Variants in SGTA observed in about 807,000 individuals in gnomAD.
The protein encoded by SGTA is small glutamine-rich tetratricopeptide repeat-containing protein alpha.
Under a neutral mutation model 44.3 loss-of-function variants are expected in SGTA, and 22 were observed. The ratio of observed to expected loss-of-function variants is 0.50; its 90% CI spans 0.36 to 0.71. The LOEUF (loss-of-function observed/expected upper bound fraction) is 0.71, where lower values mean the gene tolerates loss of function less well. Ranked by LOEUF, SGTA falls within the 30% of genes least tolerant of loss-of-function variation. SGTA has a pLI of 0.00. For synonymous variants in SGTA, 174 were observed against 177.6 expected (o/e 0.98, Z 0.16); for missense variants, 341 against 435.9 (o/e 0.78, Z 1.94).
At chr19:2,773,719 G>A (rs1212672335) in intron 1 of SGTA, among the ~76,000 whole-genome samples, 12 of 53,166 alleles carry the variant, frequency 2.3e-4, no homozygotes, top group Non-Finnish European at 5.9e-5. Context: ...TGGGTGACGC[G>A]GCCACACGGC....
chr19:2,768,653 C>T (rs556473973), intron 2 of SGTA, among the ~76,000 whole-genome samples: 5 of 152,310 alleles, frequency 3.3e-5, no homozygotes, highest in Admixed American at 6.5e-5. Flanking sequence ...CACACACACA[C>T]TGGGTGGTGA....
At chr19:2,776,341 T>C (rs1915444817) in intron 1 of SGTA, among the ~76,000 whole-genome samples, 1 of 152,256 alleles carries the variant, frequency 6.6e-6, no homozygotes, top group Admixed American at 6.5e-5. Flanking sequence ...CAATGTGGCC[T>C]AGCCACACGA....
At chr19:2,764,217 A>T (rs1915078599) in intron 5 of SGTA, among the ~76,000 whole-genome samples, 1 of 152,144 alleles carries the variant, frequency 6.6e-6, no homozygotes, top group South Asian at 2.1e-4. Context: ...GAGTGAGTGG[A>T]GACTAAACTA....
intron 1 of SGTA, among the ~76,000 whole-genome samples, chr19:2,780,273 T>C (rs1379369894): frequency 6.6e-6 from 1 of 151,992 alleles, no homozygotes; most frequent in Non-Finnish European, 1.5e-5. Context: ...CCATCCCAAA[T>C]CCACGGTGCT....
At chr19:2,762,852 C>A (rs1915038131) in intron 6 of SGTA, among the ~76,000 whole-genome samples, 1 of 152,220 alleles carries the variant, frequency 6.6e-6, no homozygotes, top group South Asian at 2.1e-4. Context: ...ACACCCCTGC[C>A]ACACAAGAAC....
Position 2,781,448 on chromosome 19 carries a change from C to A in SGTA, c.-24+1785G>T, listed in dbSNP as rs546708222. ...CAACTGTGCCTTCTTAGCTCGAAAT[C>A]AACTACAGGTAACGCATAAACCAAG... On this transcript the variant is annotated intron_variant, in intron 1 of 11. Coordinates refer to ENST00000221566, the MANE Select transcript of SGTA (RefSeq NM_003021.4). Among the ~76,000 whole-genome samples the A allele has an allele frequency of 3.3e-5, 5 of 152,322 alleles. No homozygotes were observed. In the East Asian group the frequency reaches 7.7e-4, roughly 23 times the overall value.
intron 11 of SGTA, among the ~76,000 whole-genome samples, chr19:2,756,186 T>C (rs755673025): frequency 6.6e-6 from 1 of 151,184 alleles, no homozygotes; most frequent in Non-Finnish European, 1.5e-5. Flanking sequence ...GAGGTTACGG[T>C]GGTAAAAAAT....
Position 2,761,486 on chromosome 19 carries a change from G to A in SGTA, c.673C>T (p.Leu225=). Residue 225 remains leucine, a synonymous_variant, in exon 8 of 12, where the codon CTG becomes TTG. Transcript: ENST00000221566. This position sits in a 1 kb window ranked among gnomAD's most constrained non-coding sequence, Gnocchi z 5.7. ...GVGSFDIAGL[L]NNPGFMSMAS... is the part of the protein sequence containing the mutation. ...ATGCTCATGAAGCCAGGGTTGTTCA[G>A]CAGGCCGGCGATGTCGAAGCTGCCC... 6.4e-7 allele frequency: 1 copy of A among 1,551,596 alleles called. No homozygotes were observed. The highest frequency in any genetic ancestry group is 8.7e-7 in the Non-Finnish European group (1 of 1,146,936).
At position 2,754,793 on chromosome 19, in the gene SGTA, AGCGGCTGCAGGGCC is replaced by A. The variant is rs1276842684; in HGVS notation, c.*1133_*1146del. 6.6e-6 allele frequency: 1 copy of A among 152,206 alleles called. No individual in the cohort carries two copies. The highest frequency in any genetic ancestry group is 2.4e-5 in the African/African-American group (1 of 41,410). The allele number at this position is 152,206 out of a possible 1,614,324, so 9.4% of individuals were successfully genotyped here. ...GCTTGGCACACACCTCACCGCCATG[AGCGGCTGCAGGGCC>A]GCGGCGGCCCCCGTTCCTACTGCTA... On this transcript the variant is annotated 3_prime_UTR_variant, in exon 12 of 12. Transcript: ENST00000221566. The surrounding 1 kb of genome is among the most constrained non-coding windows in gnomAD (Gnocchi z 4.4).
At position 2,765,545 on chromosome 19, in the gene SGTA, C is replaced by T. The variant is rs1356026851; in HGVS notation, c.293-260G>A. Among the ~76,000 whole-genome samples, 1 of 152,104 alleles carries T rather than the reference C, an allele frequency of 6.6e-6. No individual in the cohort carries two copies. The highest frequency in any genetic ancestry group is 1.5e-5 in the Non-Finnish European group (1 of 68,032). On this transcript the variant is annotated intron_variant, in intron 4 of 11. Coordinates refer to ENST00000221566, the MANE Select transcript of SGTA (RefSeq NM_003021.4). The surrounding 1 kb of genome is among the most constrained non-coding windows in gnomAD (Gnocchi z 5.5). ...GCGGCAGGGCCTGGCCTGGCCTGTG[C>T]CTGGCGACGGTGGCTGTCACTGCCT...
intron 1 of SGTA, among the ~76,000 whole-genome samples, chr19:2,780,423 A>G (rs1915546119): frequency 6.6e-6 from 1 of 152,144 alleles, no homozygotes; most frequent in Non-Finnish European, 1.5e-5. Context: ...AGATCGCTGC[A>G]CACATAAAAG....
intron 1 of SGTA, among the ~76,000 whole-genome samples, chr19:2,782,235 C>G (rs1344606195): frequency 1.3e-5 from 2 of 152,176 alleles, no homozygotes; most frequent in African/African-American, 2.4e-5. Context: ...ATGACAAGCA[C>G]AAATGTCACC....
chr19:2,769,703 T>C (rs1243652832), intron 1 of SGTA, among the ~76,000 whole-genome samples: 6 of 152,062 alleles, frequency 3.9e-5, no homozygotes, highest in Non-Finnish European at 7.4e-5. Context: ...ACCCGTCTTG[T>C]TCCCCCTGGG....
chr19:2,762,732 AC>A, intron 6 of SGTA, 88 bp from the exon 7 acceptor site: 1 of 1,508,188 alleles, frequency 6.6e-7, no homozygotes, highest in South Asian at 1.2e-5. Flanking sequence ...GGTCCTGGCA[AC>A]CCCCAAACCA....
chr19:2,779,604 C>G (rs1242508675), intron 1 of SGTA, among the ~76,000 whole-genome samples: 2 of 152,224 alleles, frequency 1.3e-5, no homozygotes, highest in Non-Finnish European at 2.9e-5. Context: ...GCTCAGGAGC[C>G]ATGGCCGAGG....
chr19:2,777,338 G>T (rs1169785035), intron 1 of SGTA, among the ~76,000 whole-genome samples: 2 of 151,546 alleles, frequency 1.3e-5, no homozygotes, highest in African/African-American at 4.9e-5. Flanking sequence ...GATCACTTGA[G>T]CATAGGAATT....
rs1256600742 is a variant in SGTA at position 2,767,354 on chromosome 19, C to A, written c.208-134G>T. 8.0e-6 allele frequency: 6 copies of A among 752,538 alleles called. No individual in the cohort carries two copies. The East Asian group carries it at 1.3e-4, about 17-fold the overall frequency. The allele number at this position is 752,538 out of a possible 1,614,324, so 46.6% of individuals were successfully genotyped here. A position where few individuals can be genotyped will look rare whatever the true frequency, so the allele number is the denominator to read the frequency against. ...CGGGGGCTCTGCAGGGGACTCCTGG[C>A]CCCCCATCATGTGGCCCTGGGCGAG... On this transcript the variant is annotated intron_variant, in intron 3 of 11. Coordinates refer to ENST00000221566, the MANE Select transcript of SGTA (RefSeq NM_003021.4). The surrounding 1 kb of genome is among the most constrained non-coding windows in gnomAD (Gnocchi z 7.3).
intron 1 of SGTA, among the ~76,000 whole-genome samples, chr19:2,780,499 T>A (rs1156560470): frequency 2.0e-5 from 3 of 152,134 alleles, no homozygotes; most frequent in African/African-American, 4.8e-5. Flanking sequence ...GGGGGTCATC[T>A]GTGGGGCCTA....
At chr19:2,766,819 A>G (rs913543692) in intron 4 of SGTA, among the ~76,000 whole-genome samples, 1 of 151,446 alleles carries the variant, frequency 6.6e-6, no homozygotes, top group Non-Finnish European at 1.5e-5. Flanking sequence ...TCTTGGGCAC[A>G]TATCTAGTAT....
Sources: allele counts gnomAD v4.1 joint callset (sites outside exome capture counted in the v4.1 genomes callset), GRCh38; gene constraint gnomAD v4.1.1; non-coding constraint Gnocchi (gnomAD v3.1); transcripts MANE v1.5; gene names NCBI Gene and HGNC (gene_info 2026-07-23, HGNC 2026-07-21).